The following PLA2G15 variants were observed in gnomAD, a reference collection of about 807,000 sequenced individuals.
PLA2G15 encodes lysosomal phospholipase A and acyltransferase.
In PLA2G15, 20 loss-of-function variants were observed where a neutral mutation model predicts 40.9. The ratio of observed to expected loss-of-function variants is 0.49; its 90% CI spans 0.34 to 0.71. The LOEUF is 0.71. Among genes scored for constraint, PLA2G15 ranks in the 30% least tolerant of loss-of-function variants. The pLI, the probability that PLA2G15 is intolerant of heterozygous loss-of-function variation, is 0.01. For missense variants in PLA2G15, 471 were observed against 541.9 expected (o/e 0.87, Z 1.30); for synonymous variants, 223 against 228.2 (o/e 0.98, Z 0.21).
chr16:68,251,410 G>A (rs897566837), intron 2 of PLA2G15, among the ~76,000 whole-genome samples: 1 of 152,076 alleles, frequency 6.6e-6, no homozygotes, highest in Non-Finnish European at 1.5e-5. Context: ...GGTCGGGTGC[G>A]GTGGCTCATG....
intron 2 of PLA2G15, among the ~76,000 whole-genome samples, chr16:68,251,747 C>T (rs1310749055): frequency 2.0e-5 from 3 of 151,814 alleles, no homozygotes; most frequent in African/African-American, 7.3e-5. Context: ...ATGATCCCAG[C>T]TACTCGGGAG....
At chr16:68,248,552 AT>A in intron 1 of PLA2G15, 1 of 207,482 alleles carries the variant, frequency 4.8e-6, no homozygotes. Flanking sequence ...CACCAAGGTA[AT>A]TTTTTGTATT....
In PLA2G15 at chr16:68,255,506, C is replaced by A; in HGVS notation, c.502+126C>A. On this transcript the variant is annotated intron_variant, in intron 4 of 5. Transcript: ENST00000219345. This position sits in a 1 kb window ranked among gnomAD's most constrained non-coding sequence, Gnocchi z 5.9. ...CTCCTGTCCCTGGGCCTCTGGCATC[C>A]AGTCTAGTGGTCACAGCCACCACCT... 2.9e-6 allele frequency: 2 copies of A among 687,742 alleles called. No homozygotes were observed. Among genetic ancestry groups the A allele is most frequent in the Non-Finnish European group, 4.9e-6 (2 of 405,800 alleles). The allele number at this position is 687,742 out of a possible 1,614,324, so 42.6% of individuals were successfully genotyped here.
chr16:68,260,395 A>C lies in PLA2G15; in HGVS notation c.*738A>C, dbSNP rs148909068. ...GTTCCAGGGGCCCTGATTTCCTCGG[A>C]TGTGCTATTGGCCCCAGGACTGAAG... On this transcript the variant is annotated 3_prime_UTR_variant, in exon 6 of 6. Transcript: ENST00000219345. 6.5e-6 allele frequency: 1 copy of C among 152,708 alleles called. No homozygotes were observed. The highest frequency in any genetic ancestry group is 1.9e-4 in the East Asian group (1 of 5,192). 9.5% of individuals were successfully genotyped at this position (152,708 alleles called of 1,614,324 possible).
rs144382142 is a variant in PLA2G15 at position 68,255,832 on chromosome 16, G to A, written c.569G>A (p.Gly190Asp). The part of the protein sequence containing the change: ...MIEEMYQLYG[G>D]PVVLVAHSMG... ...GAGGAGATGTACCAGCTGTATGGGG[G>A]CCCCGTGGTGCTGGTTGCCCACAGT... The change falls in exon 5 of 6, where the codon GGC becomes GAC. Residue 190 changes from glycine (G) to aspartate (D), a missense_variant. Transcript: ENST00000219345. The surrounding 1 kb of genome is among the most constrained non-coding windows in gnomAD (Gnocchi z 5.9). The A allele has an allele frequency of 1.2e-6, 2 of 1,614,172 alleles. No homozygotes were observed. Among genetic ancestry groups the A allele is most frequent in the Non-Finnish European group, 1.7e-6 (2 of 1,180,004 alleles).
At chr16:68,247,896 G>A (rs1418905382) in intron 1 of PLA2G15, among the ~76,000 whole-genome samples, 1 of 152,242 alleles carries the variant, frequency 6.6e-6, no homozygotes, top group East Asian at 1.9e-4. Context: ...GGTGAGGCCC[G>A]AAAGGTCAAT....
intron 2 of PLA2G15, chr16:68,254,351 A>ATTT (rs953704547): frequency 2.9e-5 from 4 of 139,370 alleles, no homozygotes; most frequent in Non-Finnish European, 6.3e-5. Flanking sequence ...TTATTTATTT[A>ATTT]TTTTTTTGAG....
intron 2 of PLA2G15, among the ~76,000 whole-genome samples, chr16:68,251,821 C>T (rs561060825): frequency 1.3e-5 from 2 of 149,628 alleles, no homozygotes; most frequent in Non-Finnish European, 3.0e-5. Flanking sequence ...GATGGGGGCA[C>T]TGCACTCTAG....
Position 68,259,465 on chromosome 16 carries a change from C to A in PLA2G15, c.1047C>A (p.Asp349Glu). 6.2e-7 allele frequency: 1 copy of A among 1,613,618 alleles called. No individual in the cohort carries two copies. Among genetic ancestry groups the A allele is most frequent in the African/African-American group, 1.3e-5 (1 of 75,072 alleles). ...PDSFYYESFP[D>E]RDPKICFGDG... ...CCTTCTACTATGAGAGCTTCCCTGACCGTGACCCTAAAATCTGCTTTGGTG... is the reference window on the plus strand; with the variant it reads ...CCTTCTACTATGAGAGCTTCCCTGAACGTGACCCTAAAATCTGCTTTGGTG... The change falls in exon 6 of 6, where the codon GAC (aspartate) becomes GAA (glutamate). Residue 349 changes from aspartate to glutamate, a missense_variant. Transcript: ENST00000219345. This position sits in a 1 kb window ranked among gnomAD's most constrained non-coding sequence, Gnocchi z 6.5.
Position 68,249,323 on chromosome 16 carries a change from A to G in PLA2G15, c.161A>G (p.Lys54Arg), listed in dbSNP as rs753755688. ...GATTTGGGTAACCAACTGGAAGCCA[A>G]GCTGGACAAGCCGACAGTGGTGCAC... Reference protein sequence around the residue: ...PGDLGNQLEAKLDKPTVVHYL... With the variant: ...PGDLGNQLEARLDKPTVVHYL... The change falls in exon 2 of 6, where the codon AAG becomes AGG. Residue 54 changes from lysine (K) to arginine (R), a missense_variant. Coordinates refer to ENST00000219345, the MANE Select transcript of PLA2G15 (RefSeq NM_012320.4). 4.4e-5 allele frequency: 71 copies of G among 1,614,060 alleles called. No homozygotes were observed. Among genetic ancestry groups the G allele is most frequent in the Non-Finnish European group, 2.8e-5 (33 of 1,180,012 alleles).
chr16:68,254,999 T>A lies in PLA2G15; in HGVS notation c.365T>A (p.Phe122Tyr). 6.2e-7 allele frequency: 1 copy of A among 1,613,802 alleles called. No individual in the cohort carries two copies. The highest frequency in any genetic ancestry group is 1.1e-5 in the South Asian group (1 of 91,076). The change falls in exon 3 of 6, where the codon TTC (phenylalanine) becomes TAC (tyrosine). Residue 122 changes from phenylalanine (F) to tyrosine (Y), a missense_variant. Coordinates refer to ENST00000219345, the MANE Select transcript of PLA2G15 (RefSeq NM_012320.4). ...DVRVPGFGKTFSLEFLDPSKS... is the reference protein window; with the variant it reads ...DVRVPGFGKTYSLEFLDPSKS... Reference sequence around the variant, plus strand: ...CGTGTCCCTGGCTTTGGGAAGACCTTCTCACTGGAGTTCCTGGACCCCAGC... The same window carrying A: ...CGTGTCCCTGGCTTTGGGAAGACCTACTCACTGGAGTTCCTGGACCCCAGC...
Position 68,255,988 on chromosome 16 carries a change from C to T in PLA2G15, c.725C>T (p.Ser242Leu). ...GCCAAGACCCTGCGCGTCCTGGCTT[C>T]AGGTAAGACCCTACCTGGCCCAGCG... ...GVAKTLRVLA[S>L]GDNNRIPVIG... Residue 242 changes from serine to leucine, a missense_variant and splice_region_variant, in exon 5 of 6, where the codon TCA becomes TTA. Ser to Leu is a moderately radical substitution (Grantham distance 145). Transcript: ENST00000219345. The surrounding 1 kb of genome is among the most constrained non-coding windows in gnomAD (Gnocchi z 5.9). 2 of 1,592,640 alleles carry T rather than the reference C, an allele frequency of 1.3e-6. No homozygotes were observed. Among genetic ancestry groups the T allele is most frequent in the Non-Finnish European group, 1.7e-6 (2 of 1,165,650 alleles).
chr16:68,247,266 G>A (rs571094407), intron 1 of PLA2G15, among the ~76,000 whole-genome samples: 45 of 152,138 alleles, frequency 3.0e-4, no homozygotes, highest in Non-Finnish European at 5.3e-4. Context: ...AATGGTGGTG[G>A]AGGAAAGAGA....
chr16:68,249,000 A>G (rs1352075253), intron 1 of PLA2G15, among the ~76,000 whole-genome samples: 1 of 152,192 alleles, frequency 6.6e-6, no homozygotes, highest in East Asian at 1.9e-4. Flanking sequence ...AGACAATGTT[A>G]GGGCCCTTCC....
chr16:68,251,430 C>G (rs953026612), intron 2 of PLA2G15, among the ~76,000 whole-genome samples: 11 of 152,076 alleles, frequency 7.2e-5, no homozygotes, highest in East Asian at 3.9e-4. Flanking sequence ...GCCTGTAATC[C>G]CAGCACTTTG....
At position 68,259,736 on chromosome 16, in the gene PLA2G15, G is replaced by A; in HGVS notation, c.*79G>A. On this transcript the variant is annotated 3_prime_UTR_variant, in exon 6 of 6. Transcript: ENST00000219345. This position sits in a 1 kb window ranked among gnomAD's most constrained non-coding sequence, Gnocchi z 6.5. ...GGGGCTGTCATGGCCCACGCGTTTT[G>A]CAAAGTTTGTGACTCACCATTCAAG... 2 of 1,431,742 alleles carry A rather than the reference G, an allele frequency of 1.4e-6. 1 individual carries two copies. The highest frequency in any genetic ancestry group is 2.6e-5 in the South Asian group (2 of 76,810). 88.7% of individuals were successfully genotyped at this position (1,431,742 alleles called of 1,614,324 possible).
At position 68,245,468 on chromosome 16, in the gene PLA2G15, G is replaced by A. The variant is rs369863613; in HGVS notation, c.42G>A (p.Pro14=). Residue 14 remains proline, a synonymous_variant, in exon 1 of 6, where the codon CCG becomes CCA. Coordinates refer to ENST00000219345, the MANE Select transcript of PLA2G15 (RefSeq NM_012320.4). ...GCCCCTACCGTGTGGGGCTGCTCCC[G>A]GATGGCCTCCTGTTCCTCTTGCTGC... is the stretch of plus-strand genomic sequence containing the variant. ...HLRPYRVGLL[P]DGLLFLLLLL... 4.1e-5 allele frequency: 66 copies of A among 1,606,516 alleles called. No homozygotes were observed. Among genetic ancestry groups the A allele is most frequent in the Non-Finnish European group, 4.0e-5 (47 of 1,179,728 alleles).
Position 68,259,439 on chromosome 16 carries a change from T to TC in PLA2G15, c.1023dup (p.Phe342LeufsTer4). 1 of 1,613,896 alleles carries TC rather than the reference T, an allele frequency of 6.2e-7. No individual in the cohort carries two copies. Among genetic ancestry groups the TC allele is most frequent in the Non-Finnish European group, 8.5e-7 (1 of 1,179,970 alleles). On this transcript the variant is annotated frameshift_variant, in exon 6 of 6. Transcript: ENST00000219345. LOFTEE classifies it high-confidence loss of function. The surrounding 1 kb of genome is among the most constrained non-coding windows in gnomAD (Gnocchi z 6.5). ...TGGTACTGGCGTCCCCACACCAGACTCCTTCTACTATGAGAGCTTCCCTGA... is the reference window on the plus strand; with the variant it reads ...TGGTACTGGCGTCCCCACACCAGACTCCCTTCTACTATGAGAGCTTCCCTGA...
Position 68,247,088 on chromosome 16 carries a change from C to A in PLA2G15, c.127+1535C>A, listed in dbSNP as rs114082327. On this transcript the variant is annotated intron_variant, in intron 1 of 5. Coordinates refer to ENST00000219345, the MANE Select transcript of PLA2G15 (RefSeq NM_012320.4). ...AAGAGCCTCAGACCCCACCCAGAATCACAGAGCAGCAGGAGTCCTAACATG... is the reference window on the plus strand; with the variant it reads ...AAGAGCCTCAGACCCCACCCAGAATAACAGAGCAGCAGGAGTCCTAACATG... Among the ~76,000 whole-genome samples, 1,055 of 152,266 alleles carry A rather than the reference C, an allele frequency of 6.9e-3. 17 individuals carry two copies. Among genetic ancestry groups the A allele is most frequent in the African/African-American group, 0.024 (983 of 41,554 alleles).
Sources: allele counts gnomAD v4.1 joint callset (sites outside exome capture counted in the v4.1 genomes callset), GRCh38; gene constraint gnomAD v4.1.1; non-coding constraint Gnocchi (gnomAD v3.1); transcripts MANE v1.5; gene names NCBI Gene and HGNC (gene_info 2026-07-23, HGNC 2026-07-21).